The following GLRB variants were observed in gnomAD, a reference collection of about 807,000 sequenced individuals.
The protein encoded by GLRB is glycine receptor subunit beta.
GLRB carries 33 observed loss-of-function variants against 54.2 expected under a neutral mutation model. The observed-to-expected ratio is 0.61, with a 90% confidence interval of 0.46 to 0.81. The LOEUF (loss-of-function observed/expected upper bound fraction) is 0.81. GLRB is among the 40% of genes least tolerant of loss of function. The pLI is 0.00. For synonymous variants in GLRB, 209 were observed against 208.2 expected, an observed-to-expected ratio of 1.00 and a Z score of -0.03; for missense variants, 572 against 584.6, an observed-to-expected ratio of 0.98 and a Z score of 0.22.
intron 4 of GLRB, among the ~76,000 whole-genome samples, chr4:157,130,579 C>A (rs572241704): frequency 6.6e-6 from 1 of 151,520 alleles, no homozygotes; most frequent in Non-Finnish European, 1.5e-5. Context: ...AATTTCATTC[C>A]TTTTTTATGG....
intron 2 of GLRB, among the ~76,000 whole-genome samples, chr4:157,081,698 T>C (rs1484849404): frequency 6.6e-6 from 1 of 152,210 alleles, no homozygotes; most frequent in Non-Finnish European, 1.5e-5. Context: ...AGCTACTCCT[T>C]CCCACCCTCT....
intron 9 of GLRB, among the ~76,000 whole-genome samples, chr4:157,166,761 G>A (rs1448919419): frequency 6.6e-6 from 1 of 151,958 alleles, no homozygotes; most frequent in Non-Finnish European, 1.5e-5. Flanking sequence ...GCTTTGTAAT[G>A]TTATGGCTTC....
At chr4:157,087,796 T>TG (rs1734465531) in intron 2 of GLRB, among the ~76,000 whole-genome samples, 1 of 152,028 alleles carries the variant, frequency 6.6e-6, no homozygotes, top group African/African-American at 2.4e-5. Context: ...CCTTTTTTTT[T>TG]TCTTGTGGAG....
chr4:157,101,225 G>A (rs181807091), intron 2 of GLRB, among the ~76,000 whole-genome samples: 1 of 151,950 alleles, frequency 6.6e-6, no homozygotes, highest in East Asian at 1.9e-4. Flanking sequence ...ACTGAATACT[G>A]TATCATAATA....
At chr4:157,131,506 A>C (rs1736215039) in intron 4 of GLRB, among the ~76,000 whole-genome samples, 1 of 151,732 alleles carries the variant, frequency 6.6e-6, no homozygotes, top group African/African-American at 2.4e-5. Context: ...TCAAATGTAT[A>C]ATGATATATA....
chr4:157,089,525 C>G (rs1286964779), intron 2 of GLRB, among the ~76,000 whole-genome samples: 2 of 152,142 alleles, frequency 1.3e-5, no homozygotes, highest in African/African-American at 4.8e-5. Flanking sequence ...GAAACAATCT[C>G]CGATTTCACC....
chr4:157,076,528 C>T (rs1400567910), intron 1 of GLRB: 1 of 151,964 alleles, frequency 6.6e-6, no homozygotes, highest in African/African-American at 2.4e-5. Flanking sequence ...CCCGCGGAGA[C>T]GCTCCGGGTG....
At position 157,170,729 on chromosome 4, in the gene GLRB, T is replaced by C. The variant is rs1329812408; in HGVS notation, c.*1T>C. ...TATATATTGGTCTATATATTTATGA[T>C]AAATCTTTTCCATTTGTACAAAATA... is the stretch of plus-strand genomic sequence containing the variant. On this transcript the variant is annotated 3_prime_UTR_variant, in exon 10 of 10. Transcript: ENST00000264428. 1.4e-6 allele frequency: 2 copies of C among 1,426,644 alleles called. No individual in the cohort carries two copies. Among genetic ancestry groups the C allele is most frequent in the Non-Finnish European group, 1.9e-6 (2 of 1,051,930 alleles). The allele number at this position is 1,426,644 out of a possible 1,614,324, so 88.4% of individuals were successfully genotyped here. A position where few individuals can be genotyped will look rare whatever the true frequency, so the allele number is the denominator to read the frequency against.
At chr4:157,154,788 T>A (rs779604042) in intron 9 of GLRB, among the ~76,000 whole-genome samples, 1 of 152,196 alleles carries the variant, frequency 6.6e-6, no homozygotes, top group Non-Finnish European at 1.5e-5. Flanking sequence ...TTTTGAGCTT[T>A]CTATGTTGTT....
chr4:157,094,175 A>G (rs1348402171), intron 2 of GLRB, among the ~76,000 whole-genome samples: 1 of 152,198 alleles, frequency 6.6e-6, no homozygotes, highest in Middle Eastern at 3.2e-3. Flanking sequence ...ACACGGATCT[A>G]GAAACAGAAC....
intron 4 of GLRB, among the ~76,000 whole-genome samples, chr4:157,124,983 G>C (rs1735965342): frequency 6.6e-6 from 1 of 151,628 alleles, no homozygotes; most frequent in African/African-American, 2.4e-5. Flanking sequence ...GTCTTCTCAA[G>C]GCAAATGCTG....
chr4:157,135,064 A>G (rs1736351539), intron 4 of GLRB, among the ~76,000 whole-genome samples: 1 of 152,150 alleles, frequency 6.6e-6, no homozygotes, highest in Non-Finnish European at 1.5e-5. Context: ...ATATAATGGT[A>G]TGATAGTAAT....
chr4:157,129,155 A>AT (rs1316650813), intron 4 of GLRB, among the ~76,000 whole-genome samples: 1 of 151,858 alleles, frequency 6.6e-6, no homozygotes, highest in African/African-American at 2.4e-5. Context: ...GAGACCATCC[A>AT]TTTTTTCAGA....
At chr4:157,108,728 C>A (rs73856829) in intron 2 of GLRB, among the ~76,000 whole-genome samples, 1 of 151,928 alleles carries the variant, frequency 6.6e-6, no homozygotes, top group Admixed American at 6.6e-5. Context: ...GTTTATAAAG[C>A]AGCAGGAGTT....
chr4:157,082,795 C>T (rs772382438), intron 2 of GLRB, among the ~76,000 whole-genome samples: 3 of 151,876 alleles, frequency 2.0e-5, no homozygotes, highest in African/African-American at 4.8e-5. Context: ...AATTAGGATC[C>T]GATCTGATCT....
chr4:157,151,990 C>T (rs1012422960), intron 8 of GLRB, among the ~76,000 whole-genome samples: 7 of 151,686 alleles, frequency 4.6e-5, no homozygotes, highest in South Asian at 2.1e-4. Flanking sequence ...CTTGAAAATA[C>T]GAAGGAAAGG....
chr4:157,101,151 A>G (rs770918174), intron 2 of GLRB, among the ~76,000 whole-genome samples: 2 of 152,168 alleles, frequency 1.3e-5, no homozygotes, highest in Non-Finnish European at 2.9e-5. Flanking sequence ...TGTTAGAAAA[A>G]TGCAGAAAAT....
At chr4:157,082,857 T>C (rs1312789603) in intron 2 of GLRB, among the ~76,000 whole-genome samples, 1 of 151,986 alleles carries the variant, frequency 6.6e-6, no homozygotes, top group Non-Finnish European at 1.5e-5. Context: ...AATTGCACTT[T>C]GGTCTAGAAG....
chr4:157,088,740 A>C (rs1734500451), intron 2 of GLRB, among the ~76,000 whole-genome samples: 1 of 152,094 alleles, frequency 6.6e-6, no homozygotes, highest in Non-Finnish European at 1.5e-5. Context: ...GTCTTCTGAG[A>C]TGTACCTTTT....
Sources: allele counts gnomAD v4.1 joint callset (sites outside exome capture counted in the v4.1 genomes callset), GRCh38; gene constraint gnomAD v4.1.1; transcripts MANE v1.5; gene names NCBI Gene and HGNC (gene_info 2026-07-23, HGNC 2026-07-21).